Variants in CSMD1 observed in about 807,000 individuals in gnomAD.
CSMD1 encodes CUB and Sushi multiple domains 1, also known as CUB and sushi domain-containing protein 1.
A neutral mutation model predicts 417.5 loss-of-function variants in CSMD1; 213 were observed. The observed-to-expected ratio is 0.51, with a 90% CI of 0.46 to 0.57. CSMD1 has a LOEUF of 0.57. Ranked by LOEUF, CSMD1 falls within the 20% of genes least tolerant of loss-of-function variation. The pLI, the probability that CSMD1 is intolerant of heterozygous loss-of-function variation, is 0.00. For missense variants in CSMD1, 6,923 were observed against 4,529.7 expected (o/e 1.53, Z -15.17); for synonymous variants, 2,862 against 1,736.8 (o/e 1.65, Z -16.11).
intron 8 of CSMD1, among the ~76,000 whole-genome samples, chr8:3,592,181 C>A (rs1381279501): frequency 6.6e-6 from 1 of 151,868 alleles, no homozygotes; most frequent in Non-Finnish European, 1.5e-5. Context: ...GATAGATTGA[C>A]AGATGACAGA....
At chr8:3,126,582 G>A (rs1237417695) in intron 41 of CSMD1, among the ~76,000 whole-genome samples, 1 of 152,126 alleles carries the variant, frequency 6.6e-6, no homozygotes, top group East Asian at 1.9e-4. Flanking sequence ...TTTCCCAAGT[G>A]CACACATACA....
chr8:4,381,164 A>G (rs2128918723), intron 3 of CSMD1, among the ~76,000 whole-genome samples: 1 of 152,312 alleles, frequency 6.6e-6, no homozygotes, highest in South Asian at 2.1e-4. Flanking sequence ...AATTTTTAAA[A>G]ATATGTATTA....
At chr8:4,339,714 G>C (rs903799278) in intron 3 of CSMD1, among the ~76,000 whole-genome samples, 2 of 152,106 alleles carry the variant, frequency 1.3e-5, no homozygotes, top group African/African-American at 2.4e-5. Flanking sequence ...AGAAGAAAAT[G>C]AAAGAGGACG....
chr8:4,040,829 G>A (rs73183951), intron 3 of CSMD1, among the ~76,000 whole-genome samples: 20 of 152,184 alleles, frequency 1.3e-4, no homozygotes, highest in Admixed American at 2.6e-4. Flanking sequence ...AAAGACTTTA[G>A]CAGCTCCGGA....
At chr8:3,038,005 G>A (rs997527633) in intron 50 of CSMD1, among the ~76,000 whole-genome samples, 8 of 152,046 alleles carry the variant, frequency 5.3e-5, no homozygotes, top group African/African-American at 9.7e-5. Flanking sequence ...TCAGAAAATC[G>A]GGCATCTATA....
chr8:4,855,243 C>A (rs1408293516), intron 1 of CSMD1, among the ~76,000 whole-genome samples: 1 of 150,624 alleles, frequency 6.6e-6, no homozygotes, highest in South Asian at 2.1e-4. Context: ...GAAAGGATAT[C>A]CACATCAAAA....
At chr8:4,424,666 C>T (rs536045211) in intron 2 of CSMD1, among the ~76,000 whole-genome samples, 10 of 152,156 alleles carry the variant, frequency 6.6e-5, no homozygotes, top group African/African-American at 2.4e-4. Flanking sequence ...TTTGACATTT[C>T]CTTTAAAAAC....
intron 2 of CSMD1, among the ~76,000 whole-genome samples, chr8:4,533,266 C>T (rs143035516): frequency 6.6e-6 from 1 of 152,126 alleles, no homozygotes; most frequent in South Asian, 2.1e-4. Context: ...TAGAGACGGC[C>T]GCTTGCTCCC....
At chr8:2,963,822 T>C (rs989701755) in intron 59 of CSMD1, among the ~76,000 whole-genome samples, 7 of 152,308 alleles carry the variant, frequency 4.6e-5, no homozygotes, top group Non-Finnish European at 8.8e-5. Context: ...AAAGATGGCA[T>C]ATAGTTTCCA....
intron 3 of CSMD1, among the ~76,000 whole-genome samples, chr8:4,330,179 C>T (rs1266059020): frequency 7.5e-6 from 1 of 132,710 alleles, no homozygotes; most frequent in Non-Finnish European, 1.8e-5. Flanking sequence ...AACAGAGGTT[C>T]CTGTTATGAA....
At chr8:4,869,883 A>T (rs887279627) in intron 1 of CSMD1, among the ~76,000 whole-genome samples, 7 of 152,056 alleles carry the variant, frequency 4.6e-5, no homozygotes, top group African/African-American at 1.4e-4. Flanking sequence ...AATGAAAAGA[A>T]GTTAATGTTA....
intron 10 of CSMD1, among the ~76,000 whole-genome samples, chr8:3,513,970 G>C (rs560270245): frequency 6.6e-6 from 1 of 152,216 alleles, no homozygotes; most frequent in Non-Finnish European, 1.5e-5. Context: ...TAAGAAAACA[G>C]AGAAGGTAGC....
chr8:3,992,257 A>G (rs1034790900), intron 5 of CSMD1, among the ~76,000 whole-genome samples: 11 of 151,970 alleles, frequency 7.2e-5, no homozygotes, highest in African/African-American at 2.7e-4. Flanking sequence ...TCTAAGCTCT[A>G]TTTTTCATGA....
chr8:3,510,802 G>T (rs1002060985), intron 10 of CSMD1, among the ~76,000 whole-genome samples: 1 of 151,808 alleles, frequency 6.6e-6, no homozygotes, highest in Non-Finnish European at 1.5e-5. Flanking sequence ...CCGCATAAAT[G>T]TCTTCTTTTG....
intron 3 of CSMD1, among the ~76,000 whole-genome samples, chr8:4,043,596 T>C (rs1432624488): frequency 6.6e-6 from 1 of 152,234 alleles, no homozygotes; most frequent in Admixed American, 6.5e-5. Flanking sequence ...GAAATCAATG[T>C]AGAATAGCCA....
At chr8:3,677,848 TA>T (rs1421983360) in intron 7 of CSMD1, among the ~76,000 whole-genome samples, 1 of 152,128 alleles carries the variant, frequency 6.6e-6, no homozygotes, top group Non-Finnish European at 1.5e-5. Flanking sequence ...TCTTTAACTC[TA>T]AACCCCCTTG....
chr8:4,730,904 T>A (rs1809808740), intron 1 of CSMD1, among the ~76,000 whole-genome samples: 1 of 126,872 alleles, frequency 7.9e-6, no homozygotes, highest in Non-Finnish European at 1.8e-5. Flanking sequence ...GACTAAACCG[T>A]GCTTTGTTTC....
chr8:3,269,529 T>C (rs748919739), intron 26 of CSMD1, among the ~76,000 whole-genome samples: 6 of 152,204 alleles, frequency 3.9e-5, no homozygotes, highest in Non-Finnish European at 8.8e-5. Flanking sequence ...TTCAATAAAG[T>C]AGGGAGAGGT....
intron 1 of CSMD1, among the ~76,000 whole-genome samples, chr8:4,692,516 A>C (rs1486727334): frequency 6.6e-6 from 1 of 152,090 alleles, no homozygotes; most frequent in Non-Finnish European, 1.5e-5. Context: ...CTAAGACATA[A>C]TGTCTGAGTT....
Sources: allele counts gnomAD v4.1 joint callset (sites outside exome capture counted in the v4.1 genomes callset), GRCh38; gene constraint gnomAD v4.1.1; transcripts MANE v1.5; gene names NCBI Gene and HGNC (gene_info 2026-07-23, HGNC 2026-07-21).